CELF2: variants seen among roughly 807,000 people sequenced by gnomAD.
CELF2 encodes the protein CUGBP Elav-like family member 2, also known as CUG triplet repeat RNA-binding protein 2.
In CELF2, 8 loss-of-function variants were observed where a neutral mutation model predicts 62.6. The ratio of observed to expected loss-of-function variants is 0.13; its 90% CI spans 0.07 to 0.23. CELF2 has a LOEUF of 0.23. Ranked by LOEUF, CELF2 falls within the 10% of genes least tolerant of loss-of-function variation. CELF2 has a pLI of 1.00. For synonymous variants in CELF2, 258 were observed against 250.0 expected (o/e 1.03, Z -0.30); for missense variants, 333 against 671.0 (o/e 0.50, Z 5.56).
At chr10:10,998,060 A>G (rs987753609) in intron 2 of CELF2, among the ~76,000 whole-genome samples, 3 of 152,204 alleles carry the variant, frequency 2.0e-5, no homozygotes, top group African/African-American at 4.8e-5. Context: ...GCCTGCCACC[A>G]TGTAAGATGT....
chr10:11,175,992 A>G (rs187761910), intron 2 of CELF2, among the ~76,000 whole-genome samples: 5 of 152,302 alleles, frequency 3.3e-5, no homozygotes, highest in African/African-American at 9.6e-5. Context: ...CGTTGCACAC[A>G]TGCATGCATG....
the CELF2 span, among the ~76,000 whole-genome samples, chr10:10,753,736 C>A: frequency 6.6e-6 from 1 of 152,180 alleles, no homozygotes; most frequent in African/African-American, 2.4e-5. Context: ...ACCTTAGGGA[C>A]TTGGTCACAT....
At chr10:10,965,656 C>T (rs1260983264) in intron 2 of CELF2, among the ~76,000 whole-genome samples, 1 of 152,076 alleles carries the variant, frequency 6.6e-6, no homozygotes, top group East Asian at 1.9e-4. Context: ...GATTTCTATC[C>T]ATTTTAAAGT....
intron 2 of CELF2, among the ~76,000 whole-genome samples, chr10:10,958,536 G>A (rs73577401): frequency 2.6e-4 from 39 of 152,256 alleles, no homozygotes; most frequent in East Asian, 2.5e-3. Context: ...GCATCCTCTC[G>A]TGTTCTACCT....
chr10:10,782,023 G>A, the CELF2 span, among the ~76,000 whole-genome samples: 1 of 152,168 alleles, frequency 6.6e-6, no homozygotes, highest in East Asian at 1.9e-4. Context: ...GTAATTGAGA[G>A]ATGATTTAAA....
the CELF2 span, among the ~76,000 whole-genome samples, chr10:10,725,962 A>G: frequency 6.6e-6 from 1 of 152,130 alleles, no homozygotes; most frequent in South Asian, 2.1e-4. Context: ...CTGAAATGTA[A>G]AGATTTGAAA....
At chr10:10,591,957 AT>A in the CELF2 span, among the ~76,000 whole-genome samples, 9 of 152,266 alleles carry the variant, frequency 5.9e-5, no homozygotes, top group South Asian at 1.7e-3. Context: ...TTGGATATGT[AT>A]TTGTTTCATT....
the CELF2 span, among the ~76,000 whole-genome samples, chr10:10,591,997 TA>T: frequency 2.0e-5 from 3 of 151,674 alleles, no homozygotes; most frequent in African/African-American, 7.3e-5. Context: ...GTTTCTACAC[TA>T]AACAGTCCCT....
In CELF2 at chr10:10,872,919, C is replaced by T. The variant is rs538350178; in HGVS notation, c.54-47045C>T. 4.0e-5 allele frequency among the ~76,000 whole-genome samples: 6 copies of T among 151,872 alleles called. No homozygotes were observed. The East Asian group carries it at 7.7e-4, about 20-fold the overall frequency. On this transcript the variant is annotated intron_variant, in intron 1 of 13. Coordinates refer to the CELF2 transcript ENST00000636488. The stretch of plus-strand genomic sequence containing the variant: ...GGTTCTGAGGTCTTGTCTCATGGGA[C>T]GCTGGTTCCAGGACTTTCTTTCTGG...
the CELF2 span, among the ~76,000 whole-genome samples, chr10:10,650,817 C>A: frequency 8.5e-5 from 13 of 152,324 alleles, no homozygotes; most frequent in African/African-American, 3.1e-4. Context: ...CCCAGCGATT[C>A]CACTCCTAGG....
At chr10:11,081,525 G>A (rs2074033741) in intron 1 of CELF2, among the ~76,000 whole-genome samples, 1 of 152,172 alleles carries the variant, frequency 6.6e-6, no homozygotes, top group Non-Finnish European at 1.5e-5. Context: ...TGAGGAGCCT[G>A]CTTTGCTGTT....
At chr10:11,006,231 C>A (rs2055235496) in intron 1 of CELF2, among the ~76,000 whole-genome samples, 1 of 152,182 alleles carries the variant, frequency 6.6e-6, no homozygotes, top group African/African-American at 2.4e-5. Context: ...TAGCTTAATG[C>A]ATGTCTGGGG....
chr10:10,879,578 C>T (rs2061324399), intron 1 of CELF2, among the ~76,000 whole-genome samples: 5 of 152,192 alleles, frequency 3.3e-5, no homozygotes, highest in Admixed American at 1.3e-4. Context: ...GGATAAATGG[C>T]AATTCCATTT....
intron 8 of CELF2, among the ~76,000 whole-genome samples, chr10:11,283,575 G>A (rs1221378208): frequency 2.0e-5 from 3 of 148,032 alleles, no homozygotes; most frequent in Non-Finnish European, 4.5e-5. Flanking sequence ...GGGTGGGTGG[G>A]TAGATGGATG....
the CELF2 span, among the ~76,000 whole-genome samples, chr10:10,639,747 T>G: frequency 6.6e-6 from 1 of 152,210 alleles, no homozygotes; most frequent in Non-Finnish European, 1.5e-5. Context: ...AATTCTGTTT[T>G]ATTTTGGCAA....
At chr10:10,808,676 T>A (rs998310526) in intron 1 of CELF2, among the ~76,000 whole-genome samples, 3 of 152,206 alleles carry the variant, frequency 2.0e-5, no homozygotes, top group Non-Finnish European at 4.4e-5. Flanking sequence ...ACCTTAGTTC[T>A]TTTTAAAGTG....
At chr10:11,273,719 TTTTG>T (rs1337921187) in intron 7 of CELF2, among the ~76,000 whole-genome samples, 3 of 144,572 alleles carry the variant, frequency 2.1e-5, no homozygotes, top group African/African-American at 5.3e-5. Flanking sequence ...AGTTTTGTTT[TTTTG>T]TTTTTTTGTT....
At chr10:10,712,436 C>T in the CELF2 span, among the ~76,000 whole-genome samples, 1 of 152,136 alleles carries the variant, frequency 6.6e-6, no homozygotes, top group Admixed American at 6.5e-5. Flanking sequence ...CGGTTGTAGG[C>T]CATTTTTTTC....
rs1261005740 is a variant in CELF2, at chr10:11,223,889, A to G, written c.354+6382A>G. Among the ~76,000 whole-genome samples the G allele has an allele frequency of 6.6e-6, 1 of 152,240 alleles. No homozygotes were observed. Among genetic ancestry groups the G allele is most frequent in the Non-Finnish European group, 1.5e-5 (1 of 68,038 alleles). On this transcript the variant is annotated intron_variant, in intron 3 of 12. Coordinates refer to ENST00000633077, the MANE Select transcript of CELF2 (RefSeq NM_001326342.2). This position sits in a 1 kb window ranked among gnomAD's most constrained non-coding sequence, Gnocchi z 5.1. ...AAAGTATATTTTAATGCTTAATAAA[A>G]GGCCATTACAAATTGTCTATTTCAC...
Sources: allele counts gnomAD v4.1 joint callset (sites outside exome capture counted in the v4.1 genomes callset), GRCh38; gene constraint gnomAD v4.1.1; non-coding constraint Gnocchi (gnomAD v3.1); transcripts MANE v1.5; gene names NCBI Gene and HGNC (gene_info 2026-07-23, HGNC 2026-07-21).